The following CYTH1 variants were observed in gnomAD, a reference collection of about 807,000 sequenced individuals.
The protein encoded by CYTH1 is cytohesin-1.
Under a neutral mutation model 61.8 loss-of-function variants are expected in CYTH1, and 18 were observed. That is an observed-to-expected ratio of 0.29 (90% CI 0.20 to 0.43). The LOEUF is 0.43. Ranked by LOEUF, CYTH1 falls within the 20% of genes least tolerant of loss-of-function variation. The probability of loss-of-function intolerance (pLI) is 1.00; values close to 1 mark genes in which losing one functional copy is unlikely to be tolerated. For synonymous variants in CYTH1, 174 were observed against 184.3 expected, an observed-to-expected ratio of 0.94 and a Z score of 0.45; for missense variants, 336 against 510.5, an observed-to-expected ratio of 0.66 and a Z score of 3.29.
intron 1 of CYTH1, among the ~76,000 whole-genome samples, chr17:78,749,825 T>C (rs1252320494): frequency 6.6e-6 from 1 of 152,106 alleles, no homozygotes; most frequent in Non-Finnish European, 1.5e-5. Flanking sequence ...ATTGTTCAGA[T>C]GTTTCTCTGC....
At chr17:78,772,047 C>T (rs2093473423) in intron 1 of CYTH1, among the ~76,000 whole-genome samples, 1 of 152,124 alleles carries the variant, frequency 6.6e-6, no homozygotes, top group East Asian at 1.9e-4. Flanking sequence ...TTTCCACCTC[C>T]TCCATGCCTC....
chr17:78,728,172 C>T (rs562593054), intron 1 of CYTH1, among the ~76,000 whole-genome samples: 2 of 152,292 alleles, frequency 1.3e-5, no homozygotes, highest in East Asian at 3.9e-4. Flanking sequence ...GAAAAAGAAA[C>T]ATGGAAAACA....
chr17:78,780,773 G>C (rs370238063), intron 1 of CYTH1, among the ~76,000 whole-genome samples: 79 of 152,134 alleles, frequency 5.2e-4, no homozygotes, highest in Middle Eastern at 3.2e-3. Flanking sequence ...TTGGGAGGCC[G>C]AGGCGGGTGG....
chr17:78,768,293 C>G (rs913150078), intron 1 of CYTH1, among the ~76,000 whole-genome samples: 1 of 152,120 alleles, frequency 6.6e-6, no homozygotes, highest in Non-Finnish European at 1.5e-5. Flanking sequence ...TGGTGGTATT[C>G]CAAGACGACA....
chr17:78,761,841 G>C (rs1166845152), intron 1 of CYTH1, among the ~76,000 whole-genome samples: 1 of 152,204 alleles, frequency 6.6e-6, no homozygotes, highest in African/African-American at 2.4e-5. Context: ...GAAAACAGTA[G>C]TCCAAAGCAA....
intron 12 of CYTH1, 45 bp downstream of exon 12, chr17:78,680,926 C>T (rs1859680580): frequency 6.3e-7 from 1 of 1,584,486 alleles, no homozygotes; most frequent in Non-Finnish European, 8.6e-7. Flanking sequence ...CTTTGAAATG[C>T]CCATCCCCTT....
intron 1 of CYTH1, among the ~76,000 whole-genome samples, chr17:78,733,627 C>T (rs2093306167): frequency 6.6e-6 from 1 of 152,262 alleles, no homozygotes; most frequent in South Asian, 2.1e-4. Context: ...AGCAGCAGCA[C>T]ACCCGGCCAC....
chr17:78,720,895 TAAAC>T (rs946792155), intron 1 of CYTH1, among the ~76,000 whole-genome samples: 19 of 151,998 alleles, frequency 1.3e-4, no homozygotes, highest in Admixed American at 6.6e-5. Flanking sequence ...AAATATAAAA[TAAAC>T]AAAAATTTCA....
chr17:78,766,744 G>A (rs189316085), intron 1 of CYTH1, among the ~76,000 whole-genome samples: 108 of 152,200 alleles, frequency 7.1e-4, no homozygotes, highest in African/African-American at 2.4e-3. Context: ...TCTCTGAGAG[G>A]TCTGAGAAAA....
chr17:78,692,775 C>T (rs975996285), intron 10 of CYTH1, among the ~76,000 whole-genome samples: 9 of 151,854 alleles, frequency 5.9e-5, no homozygotes, highest in Non-Finnish European at 1.2e-4. Context: ...CGAGAAAACC[C>T]GGGGCAATAA....
chr17:78,689,474 T>G (rs1432082612), intron 11 of CYTH1, among the ~76,000 whole-genome samples: 1 of 152,160 alleles, frequency 6.6e-6, no homozygotes, highest in African/African-American at 2.4e-5. Context: ...TATGAGAATC[T>G]AACGCCGCCA....
chr17:78,742,725 C>T (rs930855049), intron 1 of CYTH1, among the ~76,000 whole-genome samples: 17 of 152,016 alleles, frequency 1.1e-4, no homozygotes, highest in African/African-American at 4.1e-4. Flanking sequence ...TGGTGGTGGG[C>T]GCACCTGTAA....
intron 1 of CYTH1, among the ~76,000 whole-genome samples, chr17:78,743,981 C>G (rs968126034): frequency 6.6e-6 from 1 of 152,198 alleles, no homozygotes; most frequent in African/African-American, 2.4e-5. Flanking sequence ...AAGAAGTATT[C>G]TCCAATCCCC....
At chr17:78,762,234 G>A (rs1488753843) in intron 1 of CYTH1, among the ~76,000 whole-genome samples, 1 of 152,186 alleles carries the variant, frequency 6.6e-6, no homozygotes, top group Non-Finnish European at 1.5e-5. Context: ...GATAGTCTCT[G>A]TTCCGGTAAT....
chr17:78,740,294 C>T (rs1385060120), intron 1 of CYTH1, among the ~76,000 whole-genome samples: 1 of 152,226 alleles, frequency 6.6e-6, no homozygotes, highest in African/African-American at 2.4e-5. Flanking sequence ...CTCCCCACAG[C>T]CTCTGCCTTA....
rs1598916245 is a variant in CYTH1 at position 78,760,404 on chromosome 17, T to C, written c.22+21798A>G. 5.0e-5 allele frequency among the ~76,000 whole-genome samples: 3 copies of C among 60,600 alleles called. 1 individual carries two copies. Among genetic ancestry groups the C allele is most frequent in the African/African-American group, 5.7e-5 (1 of 17,400 alleles). 39.8% of individuals were successfully genotyped at this position (60,600 alleles called of 152,430 possible). On this transcript the variant is annotated intron_variant, in intron 1 of 13. Transcript: ENST00000446868. ...ATATATACACACACATACATATATA[T>C]ATGTGTATATATATATATATACACA...
At chr17:78,750,093 G>T (rs1275345612) in intron 1 of CYTH1, among the ~76,000 whole-genome samples, 1 of 152,160 alleles carries the variant, frequency 6.6e-6, no homozygotes, top group African/African-American at 2.4e-5. Flanking sequence ...GCACAGAGTG[G>T]CATCAGCTAC....
chr17:78,761,961 G>A (rs759008804), intron 1 of CYTH1, among the ~76,000 whole-genome samples: 26 of 152,294 alleles, frequency 1.7e-4, no homozygotes, highest in Non-Finnish European at 3.5e-4. Flanking sequence ...ATAAACGTTT[G>A]AAAGAGTAAC....
chr17:78,680,153 A>G (rs752715707), intron 13 of CYTH1, 37 bp downstream of exon 13: 46 of 1,611,550 alleles, frequency 2.9e-5, no homozygotes, highest in Non-Finnish European at 3.6e-5. Context: ...TGAGGGCTGC[A>G]CCAGGCGCGC....
Sources: allele counts gnomAD v4.1 joint callset (sites outside exome capture counted in the v4.1 genomes callset), GRCh38; gene constraint gnomAD v4.1.1; transcripts MANE v1.5; gene names NCBI Gene and HGNC (gene_info 2026-07-23, HGNC 2026-07-21).